PFDN4: variants seen among roughly 807,000 people sequenced by gnomAD.
PFDN4 encodes prefoldin subunit 4.
A neutral mutation model predicts 17.6 loss-of-function variants in PFDN4; 6 were observed. The ratio of observed to expected loss-of-function variants is 0.34; its 90% CI spans 0.19 to 0.67. The LOEUF (loss-of-function observed/expected upper bound fraction) is 0.67. Among genes scored for constraint, PFDN4 ranks in the 30% least tolerant of loss-of-function variants. The probability of loss-of-function intolerance (pLI) is 0.68; values close to 1 mark genes in which losing one functional copy is unlikely to be tolerated. For missense variants in PFDN4, 119 were observed against 158.4 expected (o/e 0.75, Z 1.33); for synonymous variants, 48 against 51.1 (o/e 0.94, Z 0.26).
At chr20:54,208,844 CTT>C (rs2146537335) in intron 1 of PFDN4, 1 of 152,248 alleles carries the variant, frequency 6.6e-6, no homozygotes, top group South Asian at 2.1e-4. Flanking sequence ...GGTAGAGAAA[CTT>C]AGACACAGAG....
At chr20:54,213,040 A>G (rs1601174974) in intron 1 of PFDN4, among the ~76,000 whole-genome samples, 1 of 152,352 alleles carries the variant, frequency 6.6e-6, no homozygotes, top group Middle Eastern at 3.4e-3. Context: ...CCGACCACTG[A>G]GCTCTGTATT....
chr20:54,212,185 T>A (rs1278354997), intron 1 of PFDN4, among the ~76,000 whole-genome samples: 1 of 134,870 alleles, frequency 7.4e-6, no homozygotes, highest in African/African-American at 3.2e-5. Flanking sequence ...AGAGTGAGAC[T>A]CTGTCTCACC....
chr20:54,209,550 A>G (rs1207863414), intron 1 of PFDN4, among the ~76,000 whole-genome samples: 1 of 152,140 alleles, frequency 6.6e-6, no homozygotes, highest in African/African-American at 2.4e-5. Context: ...AAAAGTATGA[A>G]ACTTTGTGAG....
Position 54,219,076 on chromosome 20 carries a change from G to A in PFDN4, c.331G>A (p.Val111Met). Residue 111 changes from valine to methionine, a missense_variant, in exon 4 of 4, where the codon GTG becomes ATG. Physicochemically the swap from Val to Met is conservative, Grantham distance 21 (BLOSUM62 1). This residue lies in a region of PFDN4 where 81 missense variants were observed against 111.7 expected (regional missense o/e 0.73). Coordinates refer to ENST00000371419, the MANE Select transcript of PFDN4 (RefSeq NM_002623.4). The part of the protein sequence containing the change: ...LESRVESIQR[V>M]LADLKVQLYA... The stretch of plus-strand genomic sequence containing the variant: ...ATCCAGAGTGGAATCAATTCAGCGA[G>A]TGTTAGCAGATTTGAAAGTTCAGTT... 4 of 1,592,108 alleles carry A rather than the reference G, an allele frequency of 2.5e-6. No homozygotes were observed. The highest frequency in any genetic ancestry group is 1.7e-5 in the Admixed American group (1 of 58,118).
chr20:54,217,731 A>G (rs1296009059), intron 3 of PFDN4, among the ~76,000 whole-genome samples: 1 of 152,144 alleles, frequency 6.6e-6, no homozygotes, highest in East Asian at 1.9e-4. Context: ...ATGACTTTCT[A>G]GTGTCTTATT....
chr20:54,208,359 C>A, intron 1 of PFDN4: 2 of 434,012 alleles, frequency 4.6e-6, no homozygotes, highest in South Asian at 5.1e-5. Flanking sequence ...CCGGGAGCCT[C>A]GAAGGACGCA....
Position 54,219,942 on chromosome 20 carries a change from C to T in PFDN4, c.*792C>T. On this transcript the variant is annotated 3_prime_UTR_variant, in exon 4 of 4. Coordinates refer to ENST00000371419, the MANE Select transcript of PFDN4 (RefSeq NM_002623.4). ...AGGCTTATTTCTTAAATAAAGGATG[C>T]ATTTCTTCCCACTCCCCCACAAAAG... 1 of 384,640 alleles carries T rather than the reference C, an allele frequency of 2.6e-6. No individual in the cohort carries two copies. The highest frequency in any genetic ancestry group is 4.6e-6 in the Non-Finnish European group (1 of 218,086). 23.8% of individuals were successfully genotyped at this position (384,640 alleles called of 1,614,324 possible). A position where few individuals can be genotyped will look rare whatever the true frequency, so the allele number is the denominator to read the frequency against.
At chr20:54,209,596 C>T (rs1038581463) in intron 1 of PFDN4, among the ~76,000 whole-genome samples, 4 of 152,268 alleles carry the variant, frequency 2.6e-5, no homozygotes, top group Admixed American at 2.0e-4. Context: ...ATTGGGCCCT[C>T]TGGTGTTAGG....
chr20:54,214,551 G>T (rs1858434091), intron 2 of PFDN4, 93 bp downstream of exon 2: 2 of 605,946 alleles, frequency 3.3e-6, no homozygotes, highest in South Asian at 4.7e-5. Context: ...ATTTCTCTGG[G>T]CTGTTTGTTG....
intron 3 of PFDN4, among the ~76,000 whole-genome samples, chr20:54,216,672 T>G (rs886171347): frequency 2.0e-5 from 3 of 151,992 alleles, no homozygotes. Context: ...TTATTTATTT[T>G]TTGAGATGGA....
At chr20:54,211,104 G>C (rs931778252) in intron 1 of PFDN4, among the ~76,000 whole-genome samples, 3 of 152,108 alleles carry the variant, frequency 2.0e-5, no homozygotes, top group Admixed American at 6.5e-5. Flanking sequence ...AACAAACAAA[G>C]AAGGTTGAAT....
At chr20:54,216,644 TTTTATTTATTTA>T (rs556892830) in intron 3 of PFDN4, among the ~76,000 whole-genome samples, 1 of 151,826 alleles carries the variant, frequency 6.6e-6, no homozygotes, top group African/African-American at 2.4e-5. Flanking sequence ...TTTTATTTTA[TTTTATTTATTTA>T]TTTATTTATT....
chr20:54,213,812 A>C (rs2092759115), intron 1 of PFDN4, among the ~76,000 whole-genome samples: 1 of 152,172 alleles, frequency 6.6e-6, no homozygotes, highest in South Asian at 2.1e-4. Context: ...ATCATTTTTT[A>C]GTAAAGTAGA....
At chr20:54,218,921 G>C in intron 3 of PFDN4, 98 bp from the exon 4 acceptor site, 1 of 745,448 alleles carries the variant, frequency 1.3e-6, no homozygotes, top group South Asian at 2.0e-5. Flanking sequence ...AAGTTTAGAA[G>C]GTTCTTGACC....
intron 1 of PFDN4, among the ~76,000 whole-genome samples, chr20:54,212,889 C>T (rs961399205): frequency 8.5e-5 from 13 of 152,216 alleles, no homozygotes; most frequent in Non-Finnish European, 1.5e-4. Flanking sequence ...ATTATGCATA[C>T]GGTTGAACAC....
intron 3 of PFDN4, among the ~76,000 whole-genome samples, chr20:54,217,506 C>T (rs528283356): frequency 2.8e-4 from 42 of 152,266 alleles, no homozygotes; most frequent in African/African-American, 7.0e-4. Flanking sequence ...GAAGTAAATA[C>T]GTTAGGTTTT....
At chr20:54,210,887 C>T in intron 1 of PFDN4, among the ~76,000 whole-genome samples, 1 of 152,152 alleles carries the variant, frequency 6.6e-6, no homozygotes. Context: ...GTATAGGAAA[C>T]AGTAATTGTT....
chr20:54,219,688 A>T lies in PFDN4; in HGVS notation c.*538A>T, dbSNP rs1358780623. On this transcript the variant is annotated 3_prime_UTR_variant, in exon 4 of 4. Transcript: ENST00000371419. The stretch of plus-strand genomic sequence containing the variant: ...CATTTTTTACATATCTATCAATATC[A>T]GAGATTTGGGTAAAAGAATGGGTAA... 1 of 398,066 alleles carries T rather than the reference A, an allele frequency of 2.5e-6. No homozygotes were observed. Among genetic ancestry groups the T allele is most frequent in the Non-Finnish European group, 4.4e-6 (1 of 225,898 alleles). 24.7% of individuals were successfully genotyped at this position (398,066 alleles called of 1,614,324 possible).
chr20:54,218,455 T>C (rs2146544106), intron 3 of PFDN4, among the ~76,000 whole-genome samples: 1 of 152,312 alleles, frequency 6.6e-6, no homozygotes, highest in East Asian at 1.9e-4. Flanking sequence ...GTCTATCACC[T>C]CAAATACTTA....
Sources: gnomAD v4.1 joint callset for allele counts (sites outside exome capture counted in the v4.1 genomes callset) on GRCh38, gnomAD v4.1.1 for gene constraint, gnomAD v4.1.1 regional missense constraint, MANE v1.5 for transcripts, NCBI Gene and HGNC (gene_info 2026-07-23, HGNC 2026-07-21) for gene names.